The following PACRGL variants were observed in gnomAD, a reference collection of about 807,000 sequenced individuals.
PACRGL encodes the protein parkin coregulated like, also known as PACRG-like protein.
PACRGL carries 38 observed loss-of-function variants against 34.5 expected under a neutral mutation model. The ratio of observed to expected loss-of-function variants is 1.10; its 90% CI spans 0.85 to 1.44. The LOEUF (loss-of-function observed/expected upper bound fraction) is 1.44, where lower values mean the gene tolerates loss of function less well. Ranked by LOEUF, PACRGL falls within the 40% of genes most tolerant of loss-of-function variation. The pLI, the probability that PACRGL is intolerant of heterozygous loss-of-function variation, is 0.00. For synonymous variants in PACRGL, 128 were observed against 100.1 expected (o/e 1.28, Z -1.66); for missense variants, 305 against 281.4 (o/e 1.08, Z -0.60).
chr4:20,718,014 G>A (rs938137569), intron 7 of PACRGL, among the ~76,000 whole-genome samples: 2 of 151,954 alleles, frequency 1.3e-5, no homozygotes, highest in Non-Finnish European at 2.9e-5. Context: ...ATTTTGTTGA[G>A]CAGTGGTTTG....
At chr4:20,734,557 G>A, downstream of PACRGL, 1 of 725,566 alleles carries the variant, frequency 1.4e-6, no homozygotes, top group Admixed American at 2.8e-5. Context: ...ATTAATAATT[G>A]CAATTAATAT....
chr4:20,744,882 T>TCA (rs1752079555), intron 8 of PACRGL, among the ~76,000 whole-genome samples: 1 of 152,204 alleles, frequency 6.6e-6, no homozygotes, highest in Non-Finnish European at 1.5e-5. Flanking sequence ...TGCTCCATGA[T>TCA]GTTCTGTGGA....
rs1249485299 is a variant in PACRGL, at chr4:20,731,358, G to T, written c.*4017G>T. The T allele has an allele frequency of 4.2e-5, 41 of 974,376 alleles. No individual in the cohort carries two copies. Among genetic ancestry groups the T allele is most frequent in the Non-Finnish European group, 5.0e-5 (41 of 819,920 alleles). The allele number at this position is 974,376 out of a possible 1,614,324, so 60.4% of individuals were successfully genotyped here. On this transcript the variant is annotated 3_prime_UTR_variant, in exon 9 of 9. Coordinates refer to ENST00000503585, the MANE Select transcript of PACRGL (RefSeq NM_001258345.3). ...CATAGTGCTGGGATTACAGTTGTGAGCTACTGTACCAGGCCTTAACAATTT... is the reference window on the plus strand; with the variant it reads ...CATAGTGCTGGGATTACAGTTGTGATCTACTGTACCAGGCCTTAACAATTT...
intron 8 of PACRGL, among the ~76,000 whole-genome samples, chr4:20,749,467 T>G (rs1414786580): frequency 6.6e-6 from 1 of 152,164 alleles, no homozygotes; most frequent in Non-Finnish European, 1.5e-5. Context: ...TATAAAGCAT[T>G]AGAAAATAAA....
downstream of PACRGL, among the ~76,000 whole-genome samples, chr4:20,737,105 A>G (rs958885376): frequency 6.6e-6 from 1 of 152,172 alleles, no homozygotes; most frequent in Non-Finnish European, 1.5e-5. Context: ...CACCATACTT[A>G]GTTTGCTTCC....
At chr4:20,727,207 G>T (rs750577845) in intron 8 of PACRGL, 78 bp from the exon 9 acceptor site, 4 of 1,252,134 alleles carry the variant, frequency 3.2e-6, no homozygotes, top group South Asian at 1.3e-5. Context: ...TACTTTCTAG[G>T]CATATTCCTG....
At chr4:20,755,266 C>T (rs541792249), downstream of PACRGL, among the ~76,000 whole-genome samples, 1 of 152,160 alleles carries the variant, frequency 6.6e-6, no homozygotes, top group South Asian at 2.1e-4. Flanking sequence ...TTTGTTTTGA[C>T]ATGTTAGGCA....
chr4:20,698,969 A>G (rs990328303), upstream of PACRGL, among the ~76,000 whole-genome samples: 2 of 152,202 alleles, frequency 1.3e-5, no homozygotes, highest in African/African-American at 4.8e-5. Context: ...CGTCATCCAC[A>G]AGGACTCATA....
intron 5 of PACRGL, among the ~76,000 whole-genome samples, chr4:20,711,521 A>G (rs1241245395): frequency 6.6e-6 from 1 of 152,212 alleles, no homozygotes; most frequent in Non-Finnish European, 1.5e-5. Context: ...TTTCAAAAGC[A>G]TGACAGCTTC....
intron 7 of PACRGL, among the ~76,000 whole-genome samples, chr4:20,722,990 C>T (rs973947535): frequency 6.6e-6 from 1 of 152,116 alleles, no homozygotes; most frequent in African/African-American, 2.4e-5. Context: ...TCCTATTCCA[C>T]AACTAGGAAC....
At chr4:20,744,660 A>G (rs1752012818) in intron 8 of PACRGL, among the ~76,000 whole-genome samples, 1 of 152,132 alleles carries the variant, frequency 6.6e-6, no homozygotes, top group East Asian at 1.9e-4. Flanking sequence ...GGAGAAATAA[A>G]TAATGTAAAT....
In PACRGL at chr4:20,732,096, T is replaced by C. The variant is rs1023609465; in HGVS notation, c.*4755T>C. On this transcript the variant is annotated 3_prime_UTR_variant, in exon 9 of 9. Coordinates refer to ENST00000503585, the MANE Select transcript of PACRGL (RefSeq NM_001258345.3). ...GTTCAGGAAGAAAACAAAAATTGTA[T>C]TTAGACTTATCCCTTAATACCCTCA... The C allele has an allele frequency of 2.7e-6, 4 of 1,503,200 alleles. No homozygotes were observed. The African/African-American group carries it at 4.1e-5, about 16-fold the overall frequency. 93.1% of individuals were successfully genotyped at this position (1,503,200 alleles called of 1,614,324 possible).
chr4:20,696,479 C>T (rs1375393492), upstream of PACRGL: 1 of 152,206 alleles, frequency 6.6e-6, no homozygotes, highest in African/African-American at 2.4e-5. Flanking sequence ...TCCTCCAAGC[C>T]TCATCCTCTC....
downstream of PACRGL, among the ~76,000 whole-genome samples, chr4:20,756,915 T>TC (rs549300240): frequency 5.9e-5 from 9 of 152,052 alleles, no homozygotes; most frequent in South Asian, 1.9e-3. Flanking sequence ...CTTTTATAAT[T>TC]CCCCCAGTAA....
At chr4:20,724,967 CAT>C in intron 8 of PACRGL, 79 bp downstream of exon 8, 1 of 742,056 alleles carries the variant, frequency 1.3e-6, no homozygotes. Flanking sequence ...ATATATTTAA[CAT>C]ATACTATCTC....
downstream of PACRGL, among the ~76,000 whole-genome samples, chr4:20,755,579 G>A (rs1002262991): frequency 6.6e-6 from 1 of 152,136 alleles, no homozygotes; most frequent in Non-Finnish European, 1.5e-5. Context: ...ACATTCTAGT[G>A]GAGAGAAAGA....
chr4:20,697,549 A>G (rs774947494), upstream of PACRGL, among the ~76,000 whole-genome samples: 3 of 152,230 alleles, frequency 2.0e-5, no homozygotes, highest in Non-Finnish European at 4.4e-5. Context: ...ACAGGGTACC[A>G]CACAGACAGT....
upstream of PACRGL, among the ~76,000 whole-genome samples, chr4:20,697,106 C>T (rs1417738094): frequency 6.6e-6 from 1 of 152,148 alleles, no homozygotes; most frequent in African/African-American, 2.4e-5. Flanking sequence ...TTTGCTTTCA[C>T]CTGAGGAGCC....
intron 7 of PACRGL, among the ~76,000 whole-genome samples, chr4:20,719,218 TCTTTA>T (rs1298432835): frequency 3.9e-5 from 6 of 152,190 alleles, no homozygotes; most frequent in African/African-American, 7.2e-5. Flanking sequence ...GATTCTTCTC[TCTTTA>T]CTTTATTAGT....
Sources: allele counts gnomAD v4.1 joint callset (sites outside exome capture counted in the v4.1 genomes callset), GRCh38; gene constraint gnomAD v4.1.1; transcripts MANE v1.5; gene names NCBI Gene and HGNC (gene_info 2026-07-23, HGNC 2026-07-21).